The following PZP variants were observed in gnomAD, a reference collection of about 807,000 sequenced individuals.
PZP encodes the protein PZP alpha-2-macroglobulin like, also known as pregnancy zone protein.
PZP carries 150 observed loss-of-function variants against 179.8 expected under a neutral mutation model. That is an observed-to-expected ratio of 0.83 (90% CI 0.73 to 0.96). The LOEUF (loss-of-function observed/expected upper bound fraction) is 0.96, where lower values mean the gene tolerates loss of function less well. Among genes scored for constraint, PZP ranks in the 40% least tolerant of loss-of-function variants. The pLI, the probability that PZP is intolerant of heterozygous loss-of-function variation, is 0.00. For synonymous variants in PZP, 624 were observed against 652.3 expected (o/e 0.96, Z 0.66); for missense variants, 1,689 against 1,764.0 (o/e 0.96, Z 0.76).
intron 15 of PZP, among the ~76,000 whole-genome samples, chr12:9,178,251 A>G (rs1468765375): frequency 6.6e-6 from 1 of 152,232 alleles, no homozygotes; most frequent in Non-Finnish European, 1.5e-5. Context: ...GAGCAGCATG[A>G]TGAAATCTCA....
chr12:9,156,317 T>C, intron 28 of PZP: 1 of 211,108 alleles, frequency 4.7e-6, no homozygotes, highest in South Asian at 9.7e-5. Flanking sequence ...AATGTCACCC[T>C]TTGTCCTACT....
At chr12:9,147,046 A>T (rs940574367), downstream of PZP, among the ~76,000 whole-genome samples, 1 of 152,198 alleles carries the variant, frequency 6.6e-6, no homozygotes, top group African/African-American at 2.4e-5. Context: ...GTGGGGCTAG[A>T]CTGTGCAGAC....
At chr12:9,160,556 A>G in intron 23 of PZP, 66 bp from the exon 24 acceptor site, 1 of 1,453,820 alleles carries the variant, frequency 6.9e-7, no homozygotes, top group South Asian at 1.2e-5. Flanking sequence ...ATTATTAACA[A>G]AAATGGCCTT....
chr12:9,139,197 G>T, the PZP span, among the ~76,000 whole-genome samples: 1 of 152,116 alleles, frequency 6.6e-6, no homozygotes, highest in African/African-American at 2.4e-5. Flanking sequence ...GACTTTTCAA[G>T]AGTCTGTTGT....
intron 13 of PZP, among the ~76,000 whole-genome samples, chr12:9,185,194 G>A (rs1056742553): frequency 7.2e-5 from 11 of 152,184 alleles, no homozygotes; most frequent in African/African-American, 2.7e-4. Flanking sequence ...ATAAAATGAT[G>A]CAGAAGCTGA....
chr12:9,182,419 C>CATAT (rs61200407), intron 13 of PZP, among the ~76,000 whole-genome samples: 1 of 151,810 alleles, frequency 6.6e-6, no homozygotes, highest in Non-Finnish European at 1.5e-5. Flanking sequence ...AAATTTTCTG[C>CATAT]ATATATATGT....
intron 13 of PZP, among the ~76,000 whole-genome samples, chr12:9,184,043 A>G (rs1942944535): frequency 6.6e-6 from 1 of 152,222 alleles, no homozygotes; most frequent in African/African-American, 2.4e-5. Context: ...GTAGATTGAA[A>G]TGTCATAAAA....
rs767813989 is a variant in PZP at position 9,150,310 on chromosome 12, T to G, written c.4384+334A>C. Among the ~76,000 whole-genome samples the G allele has an allele frequency of 7.1e-4, 108 of 152,228 alleles. 1 individual carries two copies. Among genetic ancestry groups the G allele is most frequent in the African/African-American group, 2.5e-3 (102 of 41,530 alleles). ...GTTTTTTCTTTTTTTTGAGACGGAG[T>G]CTCGCACCGTCACCTGGGCTGGAGT... is the stretch of plus-strand genomic sequence containing the variant. On this transcript the variant is annotated intron_variant, in intron 34 of 35. Transcript: ENST00000261336.
intron 13 of PZP, among the ~76,000 whole-genome samples, chr12:9,187,075 G>A: frequency 3.8e-5 from 2 of 53,270 alleles, no homozygotes; most frequent in African/African-American, 4.8e-5. Flanking sequence ...ACCAAGAAAG[G>A]TCAAAAAAAA....
In PZP at chr12:9,200,433, T is replaced by C. The variant is rs1185906582; in HGVS notation, c.686A>G (p.Glu229Gly). Residue 229 changes from glutamate (E) to glycine (G), a missense_variant, in exon 7 of 36, where the codon GAG becomes GGG. Around this residue, in one of 3 missense-constraint regions of PZP, gnomAD observed 742 missense variants for 730.5 expected, o/e 1.02. Transcript: ENST00000261336. Reference sequence around the variant, plus strand: ...TATCTTTGGCACCTGAACTTTGACCTCAAACTTGGGAAGCACTGTTAATAG... The same window carrying C: ...TATCTTTGGCACCTGAACTTTGACCCCAAACTTGGGAAGCACTGTTAATAG... ...TVEEFVLPKF[E>G]VKVQVPKIIS... The C allele has an allele frequency of 6.2e-7, 1 of 1,609,374 alleles. No homozygotes were observed. The highest frequency in any genetic ancestry group is 1.1e-5 in the South Asian group (1 of 90,944).
intron 22 of PZP, 114 bp downstream of exon 22, chr12:9,162,483 G>A: frequency 2.6e-6 from 2 of 762,128 alleles, no homozygotes; most frequent in Non-Finnish European, 4.4e-6. Flanking sequence ...GTATTATGCT[G>A]ACTTTCATGG....
intron 15 of PZP, among the ~76,000 whole-genome samples, chr12:9,174,816 A>G (rs769265414): frequency 6.6e-6 from 1 of 152,356 alleles, no homozygotes; most frequent in East Asian, 1.9e-4. Flanking sequence ...CATAGAGGAC[A>G]CAAACAAATG....
At position 9,197,643 on chromosome 12, in the gene PZP, TATATAATATA is replaced by T. The variant is rs1410267101; in HGVS notation, c.756-530_756-521del. On this transcript the variant is annotated intron_variant, in intron 7 of 35. Coordinates refer to ENST00000261336, the MANE Select transcript of PZP (RefSeq NM_002864.3). ...TTATATATTATATTATATATTATAT[TATATAATATA>T]ATATAAAATTATTATATATATTATA... 9.5e-3 allele frequency among the ~76,000 whole-genome samples: 227 copies of T among 23,892 alleles called. 11 individuals are homozygous for T. Among genetic ancestry groups the T allele is most frequent in the African/African-American group, 0.032 (218 of 6,838 alleles). The allele number at this position is 23,892 out of a possible 152,430, so 15.7% of individuals were successfully genotyped here. A position where few individuals can be genotyped will look rare whatever the true frequency, so the allele number is the denominator to read the frequency against.
the PZP span, among the ~76,000 whole-genome samples, chr12:9,142,392 A>G: frequency 2.6e-5 from 4 of 152,218 alleles, no homozygotes; most frequent in Non-Finnish European, 5.9e-5. Context: ...TTTGACACCT[A>G]ATAGTATTTG....
chr12:9,162,036 A>T (rs1203123313), intron 22 of PZP, among the ~76,000 whole-genome samples: 5 of 152,032 alleles, frequency 3.3e-5, no homozygotes, highest in African/African-American at 1.2e-4. Flanking sequence ...ATTTCGGCTC[A>T]CTGCAACCTC....
intron 1 of PZP, among the ~76,000 whole-genome samples, chr12:9,205,635 T>C (rs761410944): frequency 3.0e-4 from 46 of 152,346 alleles, no homozygotes; most frequent in Admixed American, 1.5e-3. Flanking sequence ...CAGTGATTCA[T>C]GATTCAATAT....
intron 24 of PZP, 84 bp from the exon 25 acceptor site, chr12:9,160,109 C>CTA: frequency 7.4e-7 from 1 of 1,346,940 alleles, no homozygotes; most frequent in Non-Finnish European, 1.1e-6. Context: ...ATCCAGGCGC[C>CTA]ATGGACATTT....
chr12:9,147,051 G>A (rs1278267028), downstream of PZP, among the ~76,000 whole-genome samples: 1 of 152,202 alleles, frequency 6.6e-6, no homozygotes, highest in Non-Finnish European at 1.5e-5. Flanking sequence ...GCTAGACTGT[G>A]CAGACTCATC....
chr12:9,173,525 T>C (rs1160475396), intron 15 of PZP, among the ~76,000 whole-genome samples: 5 of 151,368 alleles, frequency 3.3e-5, no homozygotes, highest in Admixed American at 2.0e-4. Flanking sequence ...AAAAAAACAA[T>C]GAATCCAGGA....
Sources: allele counts gnomAD v4.1 joint callset (sites outside exome capture counted in the v4.1 genomes callset), GRCh38; gene constraint gnomAD v4.1.1; regional missense constraint gnomAD v4.1.1; transcripts MANE v1.5; gene names NCBI Gene and HGNC (gene_info 2026-07-23, HGNC 2026-07-21).